The following DDRGK1 variants were observed in gnomAD, a reference collection of about 807,000 sequenced individuals.
The protein encoded by DDRGK1 is DDRGK domain-containing protein 1.
Under a neutral mutation model 45.8 loss-of-function variants are expected in DDRGK1, and 38 were observed. The observed-to-expected ratio is 0.83, with a 90% CI of 0.64 to 1.09. The LOEUF (loss-of-function observed/expected upper bound fraction) is 1.09. Ranked by LOEUF, DDRGK1 falls within the 50% of genes least tolerant of loss-of-function variation. DDRGK1 has a pLI of 0.00. For missense variants in DDRGK1, 403 were observed against 419.9 expected (o/e 0.96, Z 0.35); for synonymous variants, 171 against 168.7 (o/e 1.01, Z -0.11).
intron 4 of DDRGK1, among the ~76,000 whole-genome samples, chr20:3,196,548 G>GCA (rs1445862435): frequency 4.0e-5 from 6 of 150,516 alleles, no homozygotes; most frequent in Non-Finnish European, 5.9e-5. Context: ...GGGCGTGGTG[G>GCA]TGGGCGCCTG....
chr20:3,191,790 G>A lies in DDRGK1; in HGVS notation c.704C>T (p.Ala235Val). ...QSKVVLLEDL[A>V]SQVGLRTQDT... ...CTGAGTGCGTAGGCCCACCTGGGAA[G>A]CCAGGTCTTCCAAGAGCACAACCTT... is the stretch of plus-strand genomic sequence containing the variant. Residue 235 changes from alanine (A) to valine (V), a missense_variant, in exon 7 of 9, where the codon GCT becomes GTT. Ala to Val is a moderately conservative substitution (Grantham distance 64). Transcript: ENST00000354488. 6.2e-7 allele frequency: 1 copy of A among 1,608,334 alleles called. No homozygotes were observed. The highest frequency in any genetic ancestry group is 8.5e-7 in the Non-Finnish European group (1 of 1,177,400).
chr20:3,202,898 G>A (rs1032823576), intron 2 of DDRGK1, among the ~76,000 whole-genome samples: 1 of 152,142 alleles, frequency 6.6e-6, no homozygotes, highest in Non-Finnish European at 1.5e-5. Flanking sequence ...CTGCCTCTAG[G>A]GTGAAATCCT....
At chr20:3,204,402 C>G in intron 1 of DDRGK1, 135 bp downstream of exon 1, 2 of 876,224 alleles carry the variant, frequency 2.3e-6, no homozygotes, top group Non-Finnish European at 3.4e-6. Flanking sequence ...ACCCGGCACA[C>G]GACTAGCGCA....
At chr20:3,204,196 G>A (rs988623258) in intron 1 of DDRGK1, among the ~76,000 whole-genome samples, 13 of 152,150 alleles carry the variant, frequency 8.5e-5, no homozygotes, top group African/African-American at 9.7e-5. Context: ...AAACCCCTGC[G>A]GCCTCCCTAA....
At chr20:3,191,485 T>A in intron 7 of DDRGK1, 1 of 664,432 alleles carries the variant, frequency 1.5e-6, no homozygotes. Flanking sequence ...CACAGGCTGG[T>A]GCAGTCTGTG....
chr20:3,199,969 G>A, intron 4 of DDRGK1, 32 bp downstream of exon 4: 2 of 1,565,924 alleles, frequency 1.3e-6, no homozygotes, highest in African/African-American at 2.7e-5. Flanking sequence ...GCCTGGTCAA[G>A]GGTCAGAGGT....
chr20:3,195,974 G>A (rs538303947), intron 4 of DDRGK1, among the ~76,000 whole-genome samples: 7 of 151,912 alleles, frequency 4.6e-5, no homozygotes, highest in East Asian at 1.9e-4. Flanking sequence ...CATTCTTCCC[G>A]CCTCCTTCAT....
At chr20:3,191,626 G>A (rs1445636522) in intron 7 of DDRGK1, 139 bp downstream of exon 7, 12 of 1,001,962 alleles carry the variant, frequency 1.2e-5, no homozygotes, top group Non-Finnish European at 1.9e-5. Flanking sequence ...AGGGTGCCAG[G>A]AGACTTCTGT....
chr20:3,202,136 C>T (rs765694011), intron 2 of DDRGK1, among the ~76,000 whole-genome samples: 19 of 149,292 alleles, frequency 1.3e-4, no homozygotes, highest in Non-Finnish European at 1.8e-4. Context: ...CATACCATCA[C>T]GCCCGGCTAA....
chr20:3,190,737 GC>G lies in DDRGK1; in HGVS notation c.860del (p.Gly287AlafsTer73). On this transcript the variant is annotated frameshift_variant, in exon 9 of 9. Transcript: ENST00000354488. LOFTEE classifies it high-confidence loss of function. ...GGGCAAGCTCGGCGATGGACACCCGGCCCCGCTGTCGGATGAAGTTGGCCAC... is the reference window on the plus strand; with the variant it reads ...GGGCAAGCTCGGCGATGGACACCCGGCCCGCTGTCGGATGAAGTTGGCCAC... ...AAVANFIRQR[G>X]RVSIAELAQA... The G allele has an allele frequency of 1.2e-6, 2 of 1,614,142 alleles. No individual in the cohort carries two copies. The highest frequency in any genetic ancestry group is 1.1e-5 in the South Asian group (1 of 91,080).
intron 4 of DDRGK1, among the ~76,000 whole-genome samples, chr20:3,197,499 T>A (rs948321423): frequency 1.3e-5 from 2 of 152,182 alleles, no homozygotes; most frequent in African/African-American, 4.8e-5. Context: ...ACTTGCATAT[T>A]TGGTATGTTG....
chr20:3,197,495 A>G (rs772767422), intron 4 of DDRGK1, among the ~76,000 whole-genome samples: 2 of 152,234 alleles, frequency 1.3e-5, no homozygotes, highest in Admixed American at 6.5e-5. Flanking sequence ...GATAACTTGC[A>G]TATTTGGTAT....
At position 3,201,377 on chromosome 20, in the gene DDRGK1, T is replaced by C. The variant is rs549397922; in HGVS notation, c.296-923A>G. Reference sequence around the variant, plus strand: ...GGGACGCTGAAGCAGGAGAATGGCATGAACCCAGCAGGCAGAGCTTGCCGA... The same window carrying C: ...GGGACGCTGAAGCAGGAGAATGGCACGAACCCAGCAGGCAGAGCTTGCCGA... On this transcript the variant is annotated intron_variant, in intron 2 of 8. Transcript: ENST00000354488. Among the ~76,000 whole-genome samples, 3 of 144,002 alleles carry C rather than the reference T, an allele frequency of 2.1e-5. No homozygotes were observed. The East Asian group carries it at 6.4e-4, about 31-fold the overall frequency. 94.5% of individuals were successfully genotyped at this position (144,002 alleles called of 152,430 possible).
intron 2 of DDRGK1, among the ~76,000 whole-genome samples, chr20:3,201,482 A>C (rs1056423069): frequency 1.3e-4 from 20 of 150,896 alleles, no homozygotes; most frequent in African/African-American, 4.6e-4. Flanking sequence ...CTGTCTCAAA[A>C]AAAAAAAAAA....
chr20:3,202,315 C>T (rs1341363571), intron 2 of DDRGK1, among the ~76,000 whole-genome samples: 3 of 152,174 alleles, frequency 2.0e-5, no homozygotes, highest in East Asian at 3.9e-4. Context: ...AATATCCTGG[C>T]TAATGAACTC....
At chr20:3,202,247 C>T (rs6051640) in intron 2 of DDRGK1, among the ~76,000 whole-genome samples, 13,822 of 152,248 alleles carry the variant, frequency 0.091, 736 homozygotes, top group East Asian at 0.17. Context: ...AGCCACCACG[C>T]CCGGCCCAGA....
At chr20:3,191,566 GTT>G (rs754275995) in intron 7 of DDRGK1, 197 bp downstream of exon 7, 6 of 696,624 alleles carry the variant, frequency 8.6e-6, no homozygotes, top group Non-Finnish European at 1.3e-5. Context: ...TGGGGTTTGG[GTT>G]TTTTTTTTCT....
At position 3,204,679 on chromosome 20, in the gene DDRGK1, A is replaced by G. The variant is rs1422554666; in HGVS notation, c.-52T>C. The G allele has an allele frequency of 8.2e-6, 12 of 1,466,152 alleles. No individual in the cohort carries two copies. The highest frequency in any genetic ancestry group is 2.8e-5 in the African/African-American group (2 of 71,494). The allele number at this position is 1,466,152 out of a possible 1,614,324, so 90.8% of individuals were successfully genotyped here. ...GCGTCCACCCTGAGGCCGGGATCTC[A>G]TAGGCCCCGCCCCTATTTCCCAATC... On this transcript the variant is annotated 5_prime_UTR_variant, in exon 1 of 9. The change abolishes an upstream ATG in the 5' untranslated region. Coordinates refer to ENST00000354488, the MANE Select transcript of DDRGK1 (RefSeq NM_023935.3).
At chr20:3,198,636 G>C (rs1473649006) in intron 4 of DDRGK1, among the ~76,000 whole-genome samples, 1 of 135,438 alleles carries the variant, frequency 7.4e-6, no homozygotes, top group Non-Finnish European at 1.5e-5. Flanking sequence ...GGAGGTGGAG[G>C]TTGTGGTGAG....
Sources: gnomAD v4.1 joint callset for allele counts (sites outside exome capture counted in the v4.1 genomes callset) on GRCh38, gnomAD v4.1.1 for gene constraint, MANE v1.5 for transcripts, NCBI Gene and HGNC (gene_info 2026-07-23, HGNC 2026-07-21) for gene names.